ATE1: variants seen among roughly 807,000 people sequenced by gnomAD.
ATE1 encodes arginyltransferase 1, also known as arginyl-tRNA--protein transferase 1.
ATE1 carries 36 observed loss-of-function variants against 70.5 expected under a neutral mutation model. The observed-to-expected ratio is 0.51, with a 90% confidence interval of 0.39 to 0.67. The LOEUF (loss-of-function observed/expected upper bound fraction) is 0.67, where lower values mean the gene tolerates loss of function less well. Among genes scored for constraint, ATE1 ranks in the 30% least tolerant of loss-of-function variants. The pLI is 0.00. For missense variants in ATE1, 593 were observed against 629.5 expected, an observed-to-expected ratio of 0.94 and a Z score of 0.62; for synonymous variants, 232 against 219.3, an observed-to-expected ratio of 1.06 and a Z score of -0.51.
intron 7 of ATE1, among the ~76,000 whole-genome samples, chr10:121,871,515 G>A (rs1452669534): frequency 1.3e-5 from 2 of 152,132 alleles, no homozygotes; most frequent in South Asian, 2.1e-4. Context: ...AATGAGTGAG[G>A]ACAAGAGATT....
At chr10:121,921,673 C>T (rs76649888) in intron 3 of ATE1, among the ~76,000 whole-genome samples, 12 of 152,076 alleles carry the variant, frequency 7.9e-5, no homozygotes, top group Non-Finnish European at 1.5e-4. Context: ...ACCTAGATAA[C>T]GGACATCTGG....
chr10:121,870,091 A>C, intron 7 of ATE1, 53 bp from the exon 8 acceptor site: 2 of 1,537,022 alleles, frequency 1.3e-6, no homozygotes, highest in East Asian at 4.5e-5. Flanking sequence ...GACGGCAAAA[A>C]GGAACACAGA....
At position 121,742,135 on chromosome 10, in the gene ATE1, T is replaced by G. The variant is rs1226274108; in HGVS notation, c.*1545A>C. ...GGCTTTGCTCACTACTCTAGCTCGGTTAGCAGAGTACGCAGCACCTTGGCA... is the reference window on the plus strand; with the variant it reads ...GGCTTTGCTCACTACTCTAGCTCGGGTAGCAGAGTACGCAGCACCTTGGCA... On this transcript the variant is annotated 3_prime_UTR_variant, in exon 12 of 12. Coordinates refer to ENST00000224652, the MANE Select transcript of ATE1 (RefSeq NM_001001976.3). 6.6e-6 allele frequency: 1 copy of G among 152,240 alleles called. No individual in the cohort carries two copies. The highest frequency in any genetic ancestry group is 1.5e-5 in the Non-Finnish European group (1 of 68,054). 9.4% of individuals were successfully genotyped at this position (152,240 alleles called of 1,614,324 possible).
intron 8 of ATE1, among the ~76,000 whole-genome samples, chr10:121,861,763 A>AGG (rs112712395): frequency 6.8e-6 from 1 of 147,678 alleles, no homozygotes; most frequent in Non-Finnish European, 1.5e-5. Context: ...AAAAAAAAAA[A>AGG]GAGATATATG....
intron 11 of ATE1, among the ~76,000 whole-genome samples, chr10:121,786,389 C>T (rs911397918): frequency 2.6e-5 from 4 of 151,944 alleles, no homozygotes; most frequent in African/African-American, 7.3e-5. Flanking sequence ...TCTGTATTGG[C>T]TGGGCATGGT....
At chr10:121,794,363 A>G (rs1196646979) in intron 10 of ATE1, among the ~76,000 whole-genome samples, 1 of 152,184 alleles carries the variant, frequency 6.6e-6, no homozygotes, top group Non-Finnish European at 1.5e-5. Flanking sequence ...ATGGAATAGC[A>G]TATCTTGATC....
At chr10:121,828,949 G>GA (rs1398703207) in intron 10 of ATE1, among the ~76,000 whole-genome samples, 1 of 152,158 alleles carries the variant, frequency 6.6e-6, no homozygotes, top group African/African-American at 2.4e-5. Flanking sequence ...AAATCCAAAT[G>GA]AAACATTAAT....
chr10:121,918,322 G>C (rs1590726229), intron 3 of ATE1, among the ~76,000 whole-genome samples: 1 of 141,964 alleles, frequency 7.0e-6, no homozygotes, highest in African/African-American at 2.6e-5. Flanking sequence ...GACTAAACAA[G>C]ATTCTGTCTC....
chr10:121,769,633 A>G (rs1271778279), intron 11 of ATE1, among the ~76,000 whole-genome samples: 1 of 152,214 alleles, frequency 6.6e-6, no homozygotes, highest in Non-Finnish European at 1.5e-5. Flanking sequence ...AAGGACACAT[A>G]TCTGGAATAT....
intron 1 of ATE1, 139 bp from the exon 2 acceptor site, chr10:121,924,468 A>G: frequency 1.4e-6 from 1 of 722,576 alleles, no homozygotes; most frequent in Non-Finnish European, 2.3e-6. Context: ...TGGGAGGCCA[A>G]GGCGGGCAAA....
At chr10:121,893,169 C>T (rs529615016) in intron 7 of ATE1, among the ~76,000 whole-genome samples, 2 of 150,460 alleles carry the variant, frequency 1.3e-5, no homozygotes, top group Admixed American at 1.3e-4. Context: ...CCCAGCTACT[C>T]GGGAGGCTAA....
chr10:121,763,315 T>C lies in ATE1; in HGVS notation c.1379-19457A>G, dbSNP rs1279183448. The stretch of plus-strand genomic sequence containing the variant: ...TATACAAAAATACACAAAAAATGTT[T>C]ACAGCAGCTTTAGTCATAATTGCCA... On this transcript the variant is annotated intron_variant, in intron 11 of 11. Coordinates refer to ENST00000224652, the MANE Select transcript of ATE1 (RefSeq NM_001001976.3). Among the ~76,000 whole-genome samples, 3 of 152,328 alleles carry C rather than the reference T, an allele frequency of 2.0e-5. No homozygotes were observed. In the East Asian group the frequency reaches 5.8e-4, roughly 29 times the overall value.
chr10:121,759,899 C>T lies in ATE1; in HGVS notation c.1379-16041G>A, dbSNP rs187284278. 2.6e-3 allele frequency among the ~76,000 whole-genome samples: 399 copies of T among 152,280 alleles called. 3 individuals carry two copies. Among genetic ancestry groups the T allele is most frequent in the African/African-American group, 9.4e-3 (392 of 41,562 alleles). On this transcript the variant is annotated intron_variant, in intron 11 of 11. Transcript: ENST00000224652. ...AAGAAGCTGCCATCTAGGATTTTCA[C>T]AGCAGGTGACTTTAAGCTGAAGCCA... is the stretch of plus-strand genomic sequence containing the variant.
intron 7 of ATE1, among the ~76,000 whole-genome samples, chr10:121,889,060 C>G (rs931162036): frequency 1.3e-5 from 2 of 152,078 alleles, no homozygotes; most frequent in African/African-American, 4.8e-5. Context: ...TGCATCCAGT[C>G]TGGAGTTCAG....
chr10:121,832,858 T>C (rs775004470), intron 10 of ATE1, among the ~76,000 whole-genome samples: 1 of 152,196 alleles, frequency 6.6e-6, no homozygotes, highest in Non-Finnish European at 1.5e-5. Flanking sequence ...CAGTAATATA[T>C]GCCTTTCCTT....
intron 6 of ATE1, among the ~76,000 whole-genome samples, chr10:121,900,339 C>T (rs1175959591): frequency 6.6e-6 from 1 of 152,180 alleles, no homozygotes; most frequent in South Asian, 2.1e-4. Context: ...TTGTGCACAA[C>T]TACCAGTAAT....
rs34808601 is a variant in ATE1, at chr10:121,874,313, C to CA, written c.943-4276dup. Among the ~76,000 whole-genome samples, 1,078 of 152,254 alleles carry CA rather than the reference C, an allele frequency of 7.1e-3. 25 individuals carry two copies. The highest frequency in any genetic ancestry group is 0.025 in the African/African-American group (1,020 of 41,542). On this transcript the variant is annotated intron_variant, in intron 7 of 11. Coordinates refer to ENST00000224652, the MANE Select transcript of ATE1 (RefSeq NM_001001976.3). ...AATAACTGGTAGTTCTAAGGCAGTG[C>CA]AAACTAGGTTTTATGTAAAGAATGT...
intron 7 of ATE1, among the ~76,000 whole-genome samples, chr10:121,886,470 C>T (rs1257269222): frequency 6.6e-6 from 1 of 151,954 alleles, no homozygotes; most frequent in Non-Finnish European, 1.5e-5. Context: ...TGGGTGTGTG[C>T]GTGAATATGC....
rs558664469 is a variant in ATE1, at chr10:121,887,439, A to T, written c.942+12427T>A. Among the ~76,000 whole-genome samples, 49 of 152,318 alleles carry T rather than the reference A, an allele frequency of 3.2e-4. 1 individual carries two copies. The East Asian group carries it at 5.4e-3, about 17-fold the overall frequency. ...TAAAAAACATTACAGGCTGGGCACAATGGCTCACACCTATAATGCCAGTAC... is the reference window on the plus strand; with the variant it reads ...TAAAAAACATTACAGGCTGGGCACATTGGCTCACACCTATAATGCCAGTAC... On this transcript the variant is annotated intron_variant, in intron 7 of 11. Coordinates refer to ENST00000224652, the MANE Select transcript of ATE1 (RefSeq NM_001001976.3).
Sources: gnomAD v4.1 joint callset for allele counts (sites outside exome capture counted in the v4.1 genomes callset) on GRCh38, gnomAD v4.1.1 for gene constraint, MANE v1.5 for transcripts, NCBI Gene and HGNC (gene_info 2026-07-23, HGNC 2026-07-21) for gene names.